The following INPP5J variants were observed in gnomAD, a reference collection of about 807,000 sequenced individuals.
The protein encoded by INPP5J is inositol polyphosphate-5-phosphatase J, also known as phosphatidylinositol 4,5-bisphosphate 5-phosphatase A.
A neutral mutation model predicts 86.6 loss-of-function variants in INPP5J; 75 were observed. The observed-to-expected ratio is 0.87, with a 90% confidence interval of 0.72 to 1.05. The LOEUF is 1.05. INPP5J is among the 50% of genes least tolerant of loss of function. INPP5J has a pLI of 0.00. For missense variants in INPP5J, 1,229 were observed against 1,341.2 expected (o/e 0.92, Z 1.31); for synonymous variants, 540 against 550.0 (o/e 0.98, Z 0.25).
In INPP5J at chr22:31,125,873, A is replaced by G. The variant is rs1308095496; in HGVS notation, c.1134A>G (p.Thr378=). The part of the protein sequence containing the change: ...MALPRLGTQS[T]GPGRCLSPNL... ...TCCCAAGGCTTGGCACACAGAGTAC[A>G]GGGCCTGGCAGGTGCCTGAGCCCCA... Residue 378 remains threonine, a synonymous_variant, in exon 2 of 13, where the codon ACA becomes ACG. Coordinates refer to ENST00000331075, the MANE Select transcript of INPP5J (RefSeq NM_001284285.2). 1.2e-6 allele frequency: 2 copies of G among 1,611,468 alleles called. No homozygotes were observed.
Position 31,126,736 on chromosome 22 carries a change from AC to A in INPP5J, c.1494+20del. 6.3e-7 allele frequency: 1 copy of A among 1,594,730 alleles called. No homozygotes were observed. Among genetic ancestry groups the A allele is most frequent in the Non-Finnish European group, 8.6e-7 (1 of 1,162,726 alleles). On this transcript the variant is annotated intron_variant, in intron 4 of 12. Transcript: ENST00000331075. ...ACTTCGTGCTGGTAACGCACCCCTC[AC>A]CCCCTGGACAGCCAGAGACCCTGCT... is the stretch of plus-strand genomic sequence containing the variant.
intron 4 of INPP5J, 82 bp from the exon 5 acceptor site, chr22:31,126,839 G>A (rs1425199413): frequency 7.1e-7 from 1 of 1,403,328 alleles, no homozygotes; most frequent in African/African-American, 1.4e-5. Flanking sequence ...TGACATGGGT[G>A]GGTGGAGGAG....
chr22:31,127,274 C>T, intron 5 of INPP5J, 83 bp from the exon 6 acceptor site: 1 of 1,317,324 alleles, frequency 7.6e-7, no homozygotes, highest in Admixed American at 2.3e-5. Context: ...CTTCCACCCA[C>T]ATCTCCTCTC....
rs745439304 is a variant in INPP5J, at chr22:31,126,903, C to T, written c.1495-18C>T. The T allele has an allele frequency of 4.2e-5, 66 of 1,581,402 alleles. No individual in the cohort carries two copies. Among genetic ancestry groups the T allele is most frequent in the Middle Eastern group, 1.7e-4 (1 of 6,038 alleles). On this transcript the variant is annotated intron_variant, in intron 4 of 12. Coordinates refer to ENST00000331075, the MANE Select transcript of INPP5J (RefSeq NM_001284285.2). ...GGAGTTGTGTTCTGTCCCCCAGCCA[C>T]GTGGCCTCCCGCTGCAGGTGAGTTC... is the stretch of plus-strand genomic sequence containing the variant.
chr22:31,131,214 A>C (rs1922034092), intron 9 of INPP5J, among the ~76,000 whole-genome samples: 1 of 151,776 alleles, frequency 6.6e-6, no homozygotes, highest in Admixed American at 6.6e-5. Flanking sequence ...CTGAAAAATC[A>C]CTCCTTTTGA....
intron 1 of INPP5J, 80 bp downstream of exon 1, chr22:31,123,199 C>A: frequency 1.2e-6 from 1 of 840,454 alleles, no homozygotes; most frequent in Non-Finnish European, 1.7e-6. Context: ...CTGCAGGCTC[C>A]CTGGTGCTCC....
In INPP5J at chr22:31,124,923, G is replaced by A; in HGVS notation, c.184G>A (p.Val62Ile). 2 of 1,613,740 alleles carry A rather than the reference G, an allele frequency of 1.2e-6. No homozygotes were observed. Among genetic ancestry groups the A allele is most frequent in the Non-Finnish European group, 1.7e-6 (2 of 1,179,794 alleles). Reference protein sequence around the residue: ...PSEPRLALAPVGPRAAMSASS... With the variant: ...PSEPRLALAPIGPRAAMSASS... ...GGAACCAAGGTTGGCTCTGGCACCT[G>A]TAGGGCCACGGGCAGCTATGTCAGC... The change falls in exon 2 of 13, where the codon GTA becomes ATA. Residue 62 changes from valine to isoleucine, a missense_variant. Physicochemically the swap from Val to Ile is conservative, Grantham distance 29. Coordinates refer to ENST00000331075, the MANE Select transcript of INPP5J (RefSeq NM_001284285.2).
intron 9 of INPP5J, among the ~76,000 whole-genome samples, chr22:31,132,872 T>A (rs1922179259): frequency 6.6e-6 from 1 of 152,150 alleles, no homozygotes; most frequent in South Asian, 2.1e-4. Flanking sequence ...GCTTCAAAGC[T>A]ATGTTCTCAC....
At chr22:31,133,578 C>A in intron 11 of INPP5J, 32 bp from the exon 12 acceptor site, 1 of 1,599,728 alleles carries the variant, frequency 6.3e-7, no homozygotes, top group Non-Finnish European at 8.5e-7. Flanking sequence ...TCCCTGACCC[C>A]CAACTTAGGC....
intron 9 of INPP5J, among the ~76,000 whole-genome samples, chr22:31,129,248 T>TTTTTTC: frequency 7.1e-6 from 1 of 140,250 alleles, no homozygotes; most frequent in Admixed American, 7.2e-5. Flanking sequence ...TTTTTTTTTT[T>TTTTTTC]TTTTTCTTTG....
In INPP5J at chr22:31,127,462, G is replaced by A. The variant is rs777545022; in HGVS notation, c.1717G>A (p.Asp573Asn). Reference sequence around the variant, plus strand: ...TATGGACAAGGCGGAGCAGCGCAAAGACAACTTCCAGACCATCCTCAGCCT... The same window carrying A: ...TATGGACAAGGCGGAGCAGCGCAAAAACAACTTCCAGACCATCCTCAGCCT... ...AHMDKAEQRK[D>N]NFQTILSLQQ... Residue 573 changes from aspartate to asparagine, a missense_variant, in exon 6 of 13, where the codon GAC becomes AAC. By Grantham distance (23) the Asp-to-Asn change is conservative (BLOSUM62 1). Transcript: ENST00000331075. 1 of 1,613,906 alleles carries A rather than the reference G, an allele frequency of 6.2e-7. No homozygotes were observed. Among genetic ancestry groups the A allele is most frequent in the Non-Finnish European group, 8.5e-7 (1 of 1,179,868 alleles).
Position 31,130,156 on chromosome 22 carries a change from A to G in INPP5J, c.2193+1502A>G, listed in dbSNP as rs540729612. Reference sequence around the variant, plus strand: ...CAGGAGTTTGAGACCAGCCTGGCCAACATGGCGAAACCCATCTCTACTAAA... The same window carrying G: ...CAGGAGTTTGAGACCAGCCTGGCCAGCATGGCGAAACCCATCTCTACTAAA... On this transcript the variant is annotated intron_variant, in intron 9 of 12. Coordinates refer to ENST00000331075, the MANE Select transcript of INPP5J (RefSeq NM_001284285.2). Among the ~76,000 whole-genome samples, 3 of 152,234 alleles carry G rather than the reference A, an allele frequency of 2.0e-5. No homozygotes were observed. The South Asian group carries it at 6.2e-4, about 32-fold the overall frequency.
chr22:31,134,642 T>C lies in INPP5J; in HGVS notation c.*223T>C, dbSNP rs1011670053. On this transcript the variant is annotated 3_prime_UTR_variant, in exon 13 of 13. Coordinates refer to ENST00000331075, the MANE Select transcript of INPP5J (RefSeq NM_001284285.2). ...CCCATCTGGGATGATGGGAGAGCTC[T>C]GGCAGATGTCCCAATCCTGGAGGTC... The C allele has an allele frequency of 2.6e-5, 11 of 428,166 alleles. 1 individual carries two copies. Among genetic ancestry groups the C allele is most frequent in the African/African-American group, 1.4e-4 (7 of 49,294 alleles). 26.5% of individuals were successfully genotyped at this position (428,166 alleles called of 1,614,324 possible). A position where few individuals can be genotyped will look rare whatever the true frequency, so the allele number is the denominator to read the frequency against.
chr22:31,126,410 A>G lies in INPP5J; in HGVS notation c.1306A>G (p.Met436Val), dbSNP rs1921427112. The change falls in exon 3 of 13, where the codon ATG becomes GTG. Residue 436 changes from methionine to valine, a missense_variant. Met to Val is a conservative substitution (Grantham distance 21). Coordinates refer to ENST00000331075, the MANE Select transcript of INPP5J (RefSeq NM_001284285.2). ...TVVTWNVGTA[M>V]PPDDVTSLLH... The stretch of plus-strand genomic sequence containing the variant: ...GGTCACATGGAACGTGGGCACTGCC[A>G]TGCCCCCAGACGATGTCACATCCCT... 1 of 1,613,730 alleles carries G rather than the reference A, an allele frequency of 6.2e-7. No homozygotes were observed. Among genetic ancestry groups the G allele is most frequent in the Non-Finnish European group, 8.5e-7 (1 of 1,179,772 alleles).
chr22:31,129,250 T>TTTTTTTTTG (rs1921833568), intron 9 of INPP5J, among the ~76,000 whole-genome samples: 1 of 141,666 alleles, frequency 7.1e-6, no homozygotes. Flanking sequence ...TTTTTTTTTT[T>TTTTTTTTTG]TTTCTTTGAG....
At position 31,133,903 on chromosome 22, in the gene INPP5J, T is replaced by C; in HGVS notation, c.2515-10T>C. 1 of 1,608,150 alleles carries C rather than the reference T, an allele frequency of 6.2e-7. No homozygotes were observed. Among genetic ancestry groups the C allele is most frequent in the Non-Finnish European group, 8.5e-7 (1 of 1,176,138 alleles). ...GAGCAGGGCGCCCCAGTGACCAGCATTTCCCCCAGATCTCGCTGCCTTCCT... is the reference window on the plus strand; with the variant it reads ...GAGCAGGGCGCCCCAGTGACCAGCACTTCCCCCAGATCTCGCTGCCTTCCT... On this transcript the variant is annotated splice_polypyrimidine_tract_variant and intron_variant, in intron 12 of 12. Transcript: ENST00000331075.
chr22:31,127,661 A>G (rs1602733902), intron 6 of INPP5J, 129 bp downstream of exon 6: 1 of 961,676 alleles, frequency 1.0e-6, no homozygotes, highest in East Asian at 2.6e-5. Context: ...AACTAGTTGT[A>G]GGAACACGAA....
chr22:31,126,277 C>A, intron 2 of INPP5J, 99 bp from the exon 3 acceptor site: 2 of 1,060,734 alleles, frequency 1.9e-6, no homozygotes, highest in Non-Finnish European at 2.8e-6. Context: ...CTTTGGCCCA[C>A]ACCTGCCTCC....
chr22:31,127,156 G>GC (rs972744261), intron 5 of INPP5J, 119 bp downstream of exon 5: 9 of 815,876 alleles, frequency 1.1e-5, no homozygotes, highest in East Asian at 5.4e-5. Context: ...CTGCGGCCCA[G>GC]CCCCCCCATG....
Sources: allele counts gnomAD v4.1 joint callset (sites outside exome capture counted in the v4.1 genomes callset), GRCh38; gene constraint gnomAD v4.1.1; transcripts MANE v1.5; gene names NCBI Gene and HGNC (gene_info 2026-07-23, HGNC 2026-07-21).